RSBN1: variants seen among roughly 807,000 people sequenced by gnomAD.
RSBN1 encodes the protein round spermatid basic protein 1.
RSBN1 carries 23 observed loss-of-function variants against 74.8 expected under a neutral mutation model. That is an observed-to-expected ratio of 0.31 (90% CI 0.22 to 0.44). RSBN1 has a LOEUF of 0.44. Among genes scored for constraint, RSBN1 ranks in the 20% least tolerant of loss-of-function variants. The probability of loss-of-function intolerance (pLI) is 1.00; values close to 1 mark genes in which losing one functional copy is unlikely to be tolerated. For missense variants in RSBN1, 808 were observed against 1,020.9 expected (o/e 0.79, Z 2.84); for synonymous variants, 407 against 379.6 (o/e 1.07, Z -0.84).
chr1:113,784,324 C>G (rs1376525572), intron 2 of RSBN1, among the ~76,000 whole-genome samples: 1 of 152,132 alleles, frequency 6.6e-6, no homozygotes, highest in Non-Finnish European at 1.5e-5. Flanking sequence ...CTTGTACTTA[C>G]ACAAATCTAA....
chr1:113,782,092 G>A (rs1168888983), intron 2 of RSBN1, among the ~76,000 whole-genome samples: 3 of 152,166 alleles, frequency 2.0e-5, no homozygotes, highest in Non-Finnish European at 2.9e-5. Flanking sequence ...AACAGACCAA[G>A]ATTTGCCACA....
chr1:113,791,169 G>A (rs1234552451), intron 2 of RSBN1, among the ~76,000 whole-genome samples: 1 of 151,992 alleles, frequency 6.6e-6, no homozygotes, highest in Non-Finnish European at 1.5e-5. Flanking sequence ...CACAGTCTTT[G>A]GTAAAATCAG....
rs1659694881 is a variant in RSBN1 at position 113,762,385 on chromosome 1, G to A, written c.*3595C>T. The A allele has an allele frequency of 2.0e-5, 3 of 152,518 alleles. No individual in the cohort carries two copies. Among genetic ancestry groups the A allele is most frequent in the Non-Finnish European group, 4.4e-5 (3 of 68,018 alleles). 9.4% of individuals were successfully genotyped at this position (152,518 alleles called of 1,614,324 possible). A position where few individuals can be genotyped will look rare whatever the true frequency, so the allele number is the denominator to read the frequency against. On this transcript the variant is annotated 3_prime_UTR_variant, in exon 7 of 7. Coordinates refer to ENST00000261441, the MANE Select transcript of RSBN1 (RefSeq NM_018364.5). ...TTAAAGCAACAAACTTTCAAGACAAGGATAGGTCCCTTACGTGCTAAAGAA... is the reference window on the plus strand; with the variant it reads ...TTAAAGCAACAAACTTTCAAGACAAAGATAGGTCCCTTACGTGCTAAAGAA...
intron 2 of RSBN1, among the ~76,000 whole-genome samples, chr1:113,796,808 G>C (rs1228393399): frequency 1.3e-5 from 2 of 152,200 alleles, no homozygotes; most frequent in Admixed American, 1.3e-4. Flanking sequence ...AGCTGCCCAT[G>C]CAAGGCTTCA....
intron 2 of RSBN1, among the ~76,000 whole-genome samples, chr1:113,786,299 T>C (rs10127930): frequency 0.22 from 33,079 of 152,062 alleles, 4,511 homozygotes; most frequent in South Asian, 0.39. Flanking sequence ...GAGCCAGAAG[T>C]ATGTGATAGG....
At chr1:113,798,190 T>C (rs1361658828) in intron 1 of RSBN1, among the ~76,000 whole-genome samples, 154 bp from the exon 2 acceptor site, 1 of 152,160 alleles carries the variant, frequency 6.6e-6, no homozygotes, top group Non-Finnish European at 1.5e-5. Flanking sequence ...GACAGAGATC[T>C]TAAATATAAT....
At chr1:113,783,077 G>C (rs932580621) in intron 2 of RSBN1, among the ~76,000 whole-genome samples, 1 of 152,094 alleles carries the variant, frequency 6.6e-6, no homozygotes, top group African/African-American at 2.4e-5. Flanking sequence ...GAAAAAGTTT[G>C]CCAACCCCCA....
At chr1:113,792,332 G>A (rs560049760) in intron 2 of RSBN1, among the ~76,000 whole-genome samples, 190 of 152,156 alleles carry the variant, frequency 1.2e-3, no homozygotes, top group African/African-American at 4.1e-3. Flanking sequence ...TATTATTTGC[G>A]CTTGCAATTT....
intron 1 of RSBN1, among the ~76,000 whole-genome samples, chr1:113,801,737 G>T (rs1000717919): frequency 2.6e-5 from 4 of 152,158 alleles, no homozygotes; most frequent in African/African-American, 9.7e-5. Context: ...CTATCCAACT[G>T]TGTGATTACA....
intron 2 of RSBN1, among the ~76,000 whole-genome samples, chr1:113,783,958 C>G (rs1477811914): frequency 6.6e-6 from 1 of 152,044 alleles, no homozygotes; most frequent in Non-Finnish European, 1.5e-5. Flanking sequence ...ATGAGGGAGG[C>G]AATATTCTGC....
chr1:113,807,773 T>TTATATA (rs550872269), intron 1 of RSBN1, among the ~76,000 whole-genome samples: 3 of 133,860 alleles, frequency 2.2e-5, no homozygotes, highest in Admixed American at 7.8e-5. Flanking sequence ...AAAAAAAAAA[T>TTATATA]TATATATATA....
intron 1 of RSBN1, among the ~76,000 whole-genome samples, chr1:113,806,425 C>G (rs1469156378): frequency 3.3e-5 from 5 of 151,402 alleles, no homozygotes; most frequent in Non-Finnish European, 7.4e-5. Context: ...ATCTTTTCAA[C>G]AAAAGGTGCT....
At chr1:113,788,452 AT>A (rs989770952) in intron 2 of RSBN1, among the ~76,000 whole-genome samples, 11 of 151,932 alleles carry the variant, frequency 7.2e-5, no homozygotes, top group Middle Eastern at 3.4e-3. Flanking sequence ...TTTCATAGTA[AT>A]TTTTTTTAAA....
At chr1:113,799,972 G>A (rs1436093980) in intron 1 of RSBN1, among the ~76,000 whole-genome samples, 4 of 152,004 alleles carry the variant, frequency 2.6e-5, no homozygotes, top group African/African-American at 9.7e-5. Context: ...TTGGAGTTAA[G>A]ACAAATATTC....
Position 113,797,956 on chromosome 1 carries a change from GTTTCTT to G in RSBN1, c.778_783del (p.Lys260_Lys261del). On this transcript the variant is annotated inframe_deletion, in exon 2 of 7. Transcript: ENST00000261441. ...CGTCTTCCTCGCATGTCTTCTCGGT[GTTTCTT>G]TTTCTTTTTCTTCTTTATTTTCTTC... 2 of 1,613,192 alleles carry G rather than the reference GTTTCTT, an allele frequency of 1.2e-6. No individual in the cohort carries two copies. Among genetic ancestry groups the G allele is most frequent in the Non-Finnish European group, 8.5e-7 (1 of 1,179,764 alleles).
chr1:113,812,322 G>C lies in RSBN1; in HGVS notation c.91C>G (p.Arg31Gly), dbSNP rs1558008010. Residue 31 changes from arginine (R) to glycine (G), a missense_variant, in exon 1 of 7, where the codon CGA becomes GGA. Transcript: ENST00000261441. ...CCGACCGCCCCCCCGTCCGCGCATC[G>C]CGCAAGCGCCGCCCGCGCACTGCCC... is the stretch of plus-strand genomic sequence containing the variant. ...PAGSARAALA[R>G]CADGGAVGPF... The C allele has an allele frequency of 6.2e-7, 1 of 1,603,730 alleles. No individual in the cohort carries two copies. The highest frequency in any genetic ancestry group is 1.3e-5 in the African/African-American group (1 of 75,044).
chr1:113,793,677 CTTT>C (rs10707246), intron 2 of RSBN1, among the ~76,000 whole-genome samples: 2 of 146,526 alleles, frequency 1.4e-5, no homozygotes, highest in African/African-American at 5.0e-5. Flanking sequence ...CCTAAGAGTT[CTTT>C]TTTTTTTTTT....
intron 1 of RSBN1, among the ~76,000 whole-genome samples, chr1:113,805,248 C>G (rs1042773964): frequency 6.6e-6 from 1 of 151,960 alleles, no homozygotes; most frequent in Non-Finnish European, 1.5e-5. Flanking sequence ...TCCCAAGTAG[C>G]CCAGCTAATT....
At chr1:113,787,270 C>G (rs1371299193) in intron 2 of RSBN1, among the ~76,000 whole-genome samples, 1 of 152,024 alleles carries the variant, frequency 6.6e-6, no homozygotes, top group Non-Finnish European at 1.5e-5. Flanking sequence ...TTTTTCTATT[C>G]CTTGTCAAAA....
Sources: gnomAD v4.1 joint callset for allele counts (sites outside exome capture counted in the v4.1 genomes callset) on GRCh38, gnomAD v4.1.1 for gene constraint, MANE v1.5 for transcripts, NCBI Gene and HGNC (gene_info 2026-07-23, HGNC 2026-07-21) for gene names.